Variants in RERE observed in about 807,000 individuals in gnomAD.
RERE encodes arginine-glutamic acid dipeptide repeats.
A neutral mutation model predicts 146.1 loss-of-function variants in RERE; 40 were observed. The observed-to-expected ratio is 0.27, with a 90% CI of 0.21 to 0.36. RERE has a LOEUF of 0.36. Among genes scored for constraint, RERE ranks in the 10% least tolerant of loss-of-function variants. The pLI, the probability that RERE is intolerant of heterozygous loss-of-function variation, is 1.00. For missense variants in RERE, 1,933 were observed against 2,138.7 expected (o/e 0.90, Z 1.90); for synonymous variants, 1,003 against 866.0 (o/e 1.16, Z -2.78).
At chr1:8,789,301 A>AAAAAAAAAAAAATATATATATAT in intron 1 of RERE, among the ~76,000 whole-genome samples, 7 of 24,792 alleles carry the variant, frequency 2.8e-4, no homozygotes, top group African/African-American at 6.9e-4. Flanking sequence ...AAAAAAAAAA[A>AAAAAAAAAAAAATATATATATAT]ATATATATAT....
At position 8,445,785 on chromosome 1, in the gene RERE, T is replaced by C. The variant is rs1357121485; in HGVS notation, c.1203+20140A>G. ...TTGCTGCACCCATCAACCCATCATC[T>C]ACATTAGGTATTTTTCCTAATGCTA... is the stretch of plus-strand genomic sequence containing the variant. On this transcript the variant is annotated intron_variant, in intron 11 of 22. Transcript: ENST00000400908. Among the ~76,000 whole-genome samples, 4 of 152,136 alleles carry C rather than the reference T, an allele frequency of 2.6e-5. No individual in the cohort carries two copies. The East Asian group carries it at 7.7e-4, about 29-fold the overall frequency.
chr1:8,623,460 CAAT>C (rs999643240), intron 3 of RERE, among the ~76,000 whole-genome samples: 2 of 152,152 alleles, frequency 1.3e-5, no homozygotes, highest in African/African-American at 2.4e-5. Flanking sequence ...CAAACAACAA[CAAT>C]GACAAATAGT....
At chr1:8,701,314 ACACACACACG>A (rs775983845) in intron 1 of RERE, among the ~76,000 whole-genome samples, 1,299 of 98,984 alleles carry the variant, frequency 0.013, 12 homozygotes, top group African/African-American at 0.034. Flanking sequence ...ACACACACAC[ACACACACACG>A]CACACACTCC....
chr1:8,535,699 G>C lies in RERE; in HGVS notation c.830+5515C>G, dbSNP rs77549331. On this transcript the variant is annotated intron_variant, in intron 7 of 22. Coordinates refer to ENST00000400908, the MANE Select transcript of RERE (RefSeq NM_001042681.2). ...ATGCCTCAAGTTTATGACTGCTCCT[G>C]AACATAATGATAGTAACATATAAGC... is the stretch of plus-strand genomic sequence containing the variant. Among the ~76,000 whole-genome samples, 1,212 of 152,232 alleles carry C rather than the reference G, an allele frequency of 8.0e-3. 13 individuals are homozygous for C. The highest frequency in any genetic ancestry group is 0.028 in the African/African-American group (1,158 of 41,532).
At chr1:8,775,266 T>C (rs1325545214) in intron 1 of RERE, among the ~76,000 whole-genome samples, 2 of 152,166 alleles carry the variant, frequency 1.3e-5, no homozygotes, top group African/African-American at 4.8e-5. Flanking sequence ...GCCACATTTC[T>C]TCTTTCTTCA....
chr1:8,810,308 T>C (rs1641781905), intron 1 of RERE, among the ~76,000 whole-genome samples: 1 of 152,038 alleles, frequency 6.6e-6, no homozygotes, highest in Non-Finnish European at 1.5e-5. Context: ...CCTAAAGTTA[T>C]TTTTAAATAA....
chr1:8,635,977 C>CTTATCTTATCTTATCTTATCTTATT (rs1268893065), intron 2 of RERE, among the ~76,000 whole-genome samples: 32 of 136,822 alleles, frequency 2.3e-4, no homozygotes, highest in African/African-American at 8.5e-4. Context: ...CTTATCTTAT[C>CTTATCTTATCTTATCTTATCTTATT]TTATTTTATT....
At chr1:8,741,594 C>T (rs1450797091) in intron 1 of RERE, among the ~76,000 whole-genome samples, 5 of 152,098 alleles carry the variant, frequency 3.3e-5, no homozygotes, top group Non-Finnish European at 5.9e-5. Flanking sequence ...CTTCGCTCAG[C>T]ACTCACTCTG....
intron 4 of RERE, among the ~76,000 whole-genome samples, chr1:8,572,337 A>G (rs1646231368): frequency 6.6e-6 from 1 of 152,168 alleles, no homozygotes; most frequent in South Asian, 2.1e-4. Flanking sequence ...TTCTAATCTA[A>G]CTTCCTTCCT....
intron 1 of RERE, among the ~76,000 whole-genome samples, chr1:8,768,878 C>G (rs1368728904): frequency 6.6e-6 from 1 of 152,140 alleles, no homozygotes; most frequent in Non-Finnish European, 1.5e-5. Context: ...CAAGAGAAAC[C>G]GTGTACTTAG....
chr1:8,667,985 C>G (rs1638618042), intron 1 of RERE, among the ~76,000 whole-genome samples: 1 of 152,220 alleles, frequency 6.6e-6, no homozygotes, highest in Admixed American at 6.5e-5. Flanking sequence ...ACGCAACCCA[C>G]TGCTCCAGTG....
intron 12 of RERE, among the ~76,000 whole-genome samples, chr1:8,397,080 A>G (rs1643081110): frequency 6.6e-6 from 1 of 152,186 alleles, no homozygotes; most frequent in Admixed American, 6.5e-5. Context: ...AATGTTTACT[A>G]TGTGACAGAT....
chr1:8,678,674 G>A (rs554502169), intron 1 of RERE, among the ~76,000 whole-genome samples: 5 of 151,716 alleles, frequency 3.3e-5, no homozygotes, highest in Admixed American at 2.6e-4. Context: ...TAGCCTGGGC[G>A]ACAGAGCGAG....
At chr1:8,519,209 A>G (rs879546403) in intron 7 of RERE, among the ~76,000 whole-genome samples, 1 of 152,112 alleles carries the variant, frequency 6.6e-6, no homozygotes, top group Non-Finnish European at 1.5e-5. Context: ...AGCAAGACCT[A>G]GTCTCTGCAA....
intron 1 of RERE, among the ~76,000 whole-genome samples, chr1:8,724,850 T>G (rs1639928410): frequency 6.9e-6 from 1 of 144,704 alleles, no homozygotes; most frequent in Non-Finnish European, 1.5e-5. Context: ...AAAAAAAAAT[T>G]TACCTTTTAT....
intron 1 of RERE, among the ~76,000 whole-genome samples, chr1:8,757,779 T>A (rs1640670586): frequency 6.6e-6 from 1 of 152,112 alleles, no homozygotes; most frequent in Non-Finnish European, 1.5e-5. Context: ...ATCATAAAGA[T>A]GTTTATTTAC....
At chr1:8,692,329 A>G (rs1181117370) in intron 1 of RERE, among the ~76,000 whole-genome samples, 1 of 145,724 alleles carries the variant, frequency 6.9e-6, no homozygotes, top group Non-Finnish European at 1.5e-5. Flanking sequence ...TAACCTACTC[A>G]CATTCTCCCA....
intron 8 of RERE, among the ~76,000 whole-genome samples, chr1:8,503,278 G>A (rs1040817148): frequency 1.3e-5 from 2 of 152,092 alleles, no homozygotes; most frequent in African/African-American, 4.8e-5. Flanking sequence ...AGTTGCTAGT[G>A]TCAACACAAA....
At chr1:8,759,235 C>T (rs1640704937) in intron 1 of RERE, among the ~76,000 whole-genome samples, 1 of 152,192 alleles carries the variant, frequency 6.6e-6, no homozygotes, top group South Asian at 2.1e-4. Flanking sequence ...TCAACTATTA[C>T]CTCTTCTGAC....
Sources: allele counts gnomAD v4.1 joint callset (sites outside exome capture counted in the v4.1 genomes callset), GRCh38; gene constraint gnomAD v4.1.1; transcripts MANE v1.5; gene names NCBI Gene and HGNC (gene_info 2026-07-23, HGNC 2026-07-21).